The following COL24A1 variants were observed in gnomAD, a reference collection of about 807,000 sequenced individuals.
COL24A1 encodes the protein collagen type XXIV alpha 1 chain.
Under a neutral mutation model 253.9 loss-of-function variants are expected in COL24A1, and 224 were observed. The observed-to-expected ratio is 0.88, with a 90% CI of 0.79 to 0.99. The LOEUF is 0.99. Ranked by LOEUF, COL24A1 falls within the 50% of genes least tolerant of loss-of-function variation. The pLI, the probability that COL24A1 is intolerant of heterozygous loss-of-function variation, is 0.00. For synonymous variants in COL24A1, 685 were observed against 673.7 expected (o/e 1.02, Z -0.26); for missense variants, 2,131 against 2,068.5 (o/e 1.03, Z -0.59).
At chr1:85,896,658 T>C (rs1231736591) in intron 28 of COL24A1, among the ~76,000 whole-genome samples, 3 of 152,080 alleles carry the variant, frequency 2.0e-5, no homozygotes, top group Non-Finnish European at 2.9e-5. Flanking sequence ...CCACCACGCC[T>C]GGCTAATTTT....
intron 42 of COL24A1, among the ~76,000 whole-genome samples, chr1:85,839,454 T>C (rs1676370627): frequency 6.6e-6 from 1 of 151,974 alleles, no homozygotes; most frequent in Non-Finnish European, 1.5e-5. Context: ...CTGGGTGTGG[T>C]AGCTCATGCC....
At chr1:85,997,015 A>G (rs6703203) in intron 19 of COL24A1, among the ~76,000 whole-genome samples, 3 of 92,826 alleles carry the variant, frequency 3.2e-5, no homozygotes, top group East Asian at 3.6e-4. Flanking sequence ...TTTCATATAT[A>G]TATGTGTGTG....
intron 1 of COL24A1, among the ~76,000 whole-genome samples, chr1:86,150,773 A>T (rs1652649968): frequency 6.6e-6 from 1 of 152,118 alleles, no homozygotes; most frequent in Non-Finnish European, 1.5e-5. Flanking sequence ...ATGATGTTAC[A>T]TTTATTATAC....
chr1:85,890,494 G>A (rs964837751), intron 31 of COL24A1, among the ~76,000 whole-genome samples: 2 of 150,848 alleles, frequency 1.3e-5, no homozygotes. Context: ...CTAATGACTA[G>A]TGATGTTGAG....
At chr1:85,821,655 G>C (rs1185561686) in intron 45 of COL24A1, among the ~76,000 whole-genome samples, 2 of 152,042 alleles carry the variant, frequency 1.3e-5, no homozygotes, top group Admixed American at 1.3e-4. Context: ...TGTGCCCTTG[G>C]GTTGTATGCC....
intron 51 of COL24A1, 26 bp from the exon 52 acceptor site, chr1:85,781,299 T>G (rs1669118562): frequency 6.5e-7 from 1 of 1,528,988 alleles, no homozygotes; most frequent in Admixed American, 1.9e-5. Flanking sequence ...AAAAACAGTC[T>G]CACTGTTAGT....
intron 5 of COL24A1, among the ~76,000 whole-genome samples, chr1:86,095,346 A>G (rs1703819820): frequency 6.6e-6 from 1 of 152,050 alleles, no homozygotes; most frequent in South Asian, 2.1e-4. Flanking sequence ...TGACACATAT[A>G]TGTCAAATTT....
At chr1:86,024,610 G>A (rs1198514055) in intron 14 of COL24A1, among the ~76,000 whole-genome samples, 1 of 152,022 alleles carries the variant, frequency 6.6e-6, no homozygotes, top group Admixed American at 6.6e-5. Flanking sequence ...AGAGGCAAAG[G>A]GTAATACTTT....
At chr1:86,039,500 T>A (rs145921356) in intron 12 of COL24A1, among the ~76,000 whole-genome samples, 333 of 152,252 alleles carry the variant, frequency 2.2e-3, no homozygotes, top group African/African-American at 7.7e-3. Flanking sequence ...ATTTACAGAA[T>A]TTTTAAAAAA....
At chr1:86,127,256 T>C (rs1391786710) in intron 2 of COL24A1, among the ~76,000 whole-genome samples, 2 of 152,148 alleles carry the variant, frequency 1.3e-5, no homozygotes, top group Middle Eastern at 3.2e-3. Context: ...ATATCTATTA[T>C]GTAATACGCA....
intron 20 of COL24A1, among the ~76,000 whole-genome samples, chr1:85,986,262 G>A (rs1292170852): frequency 6.6e-6 from 1 of 151,738 alleles, no homozygotes; most frequent in Non-Finnish European, 1.5e-5. Context: ...CACAATGGCT[G>A]CCATGAGAGG....
In COL24A1 at chr1:85,745,487, G is replaced by T; in HGVS notation, c.4457C>A (p.Ala1486Asp). 1 of 1,609,566 alleles carries T rather than the reference G, an allele frequency of 6.2e-7. No homozygotes were observed. The highest frequency in any genetic ancestry group is 2.2e-5 in the East Asian group (1 of 44,516). ...PGPRKQMDIN[A>D]AIQALIESNT... ...TGATTCAATCAAGGCTTGAATAGCA[G>T]CATTGATATCCATTTGCTTCTGTGT... is the stretch of plus-strand genomic sequence containing the variant. The change falls in exon 56 of 60, where the codon GCT becomes GAT. Residue 1486 changes from alanine to aspartate, a missense_variant. Ala to Asp is a moderately radical substitution (Grantham distance 126). Transcript: ENST00000370571.
intron 12 of COL24A1, among the ~76,000 whole-genome samples, chr1:86,034,594 A>G (rs2101547480): frequency 6.6e-6 from 1 of 152,274 alleles, no homozygotes; most frequent in Admixed American, 6.5e-5. Context: ...ACATACATGT[A>G]AAACAAAAAG....
Position 85,783,544 on chromosome 1 carries a change from A to G in COL24A1, c.4236T>C (p.Asp1412=). The G allele has an allele frequency of 6.2e-7, 1 of 1,613,434 alleles. No homozygotes were observed. The highest frequency in any genetic ancestry group is 1.1e-5 in the South Asian group (1 of 91,068). Residue 1412 remains aspartate (D), a synonymous_variant, in exon 51 of 60, where the codon GAT becomes GAC. Transcript: ENST00000370571. ...GACCTGATATCCCAACAATGCCAGCATCCCCTTCAGGACCCTAGACATACA... is the reference window on the plus strand; with the variant it reads ...GACCTGATATCCCAACAATGCCAGCGTCCCCTTCAGGACCCTAGACATACA... ...GFPGPKGPEG[D]AGIVGISGPK...
At chr1:86,031,391 T>A (rs1698556354) in intron 14 of COL24A1, among the ~76,000 whole-genome samples, 1 of 152,004 alleles carries the variant, frequency 6.6e-6, no homozygotes. Context: ...AAGAGTGAAA[T>A]TAGAATGTTC....
At position 86,116,750 on chromosome 1, in the gene COL24A1, T is replaced by C. The variant is rs75788195; in HGVS notation, c.1492-1372A>G. Among the ~76,000 whole-genome samples the C allele has an allele frequency of 8.7e-4, 133 of 152,346 alleles. No individual in the cohort carries two copies. In the East Asian group the frequency reaches 0.014, roughly 16 times the overall value. On this transcript the variant is annotated intron_variant, in intron 3 of 59. Transcript: ENST00000370571. ...TTCATTAGATATTTCAGACTGTCCA[T>C]GTTTTTCCTTTAGTTGCACTTTTTT... is the stretch of plus-strand genomic sequence containing the variant.
chr1:86,111,633 T>C (rs1053846441), intron 5 of COL24A1, among the ~76,000 whole-genome samples: 3 of 152,022 alleles, frequency 2.0e-5, no homozygotes, highest in African/African-American at 7.2e-5. Flanking sequence ...CTGGCTTGGG[T>C]CCCCTTCCAC....
Position 86,088,430 on chromosome 1 carries a change from C to T in COL24A1, c.1707+744G>A, listed in dbSNP as rs118077114. Among the ~76,000 whole-genome samples the T allele has an allele frequency of 2.4e-3, 363 of 152,150 alleles. 8 individuals are homozygous for T. The East Asian group carries it at 0.045, about 19-fold the overall frequency. The stretch of plus-strand genomic sequence containing the variant: ...CCTTAAGAAGAAATTTTTTATTTTC[C>T]TCATTCCCTGTAGAAAATCAATAAC... On this transcript the variant is annotated intron_variant, in intron 7 of 59. Coordinates refer to ENST00000370571, the MANE Select transcript of COL24A1 (RefSeq NM_152890.7).
rs773426204 is a variant in COL24A1 at position 85,737,472 on chromosome 1, G to A, written c.4706C>T (p.Pro1569Leu). 3 of 1,612,568 alleles carry A rather than the reference G, an allele frequency of 1.9e-6. No individual in the cohort carries two copies. The highest frequency in any genetic ancestry group is 2.5e-6 in the Non-Finnish European group (3 of 1,179,100). Residue 1569 changes from proline to leucine, a missense_variant, in exon 58 of 60, where the codon CCT (proline) becomes CTT (leucine). Pro to Leu is a moderately conservative substitution (Grantham distance 98). Transcript: ENST00000370571. ...GCAGAAAACCTCAATGGCATCTGAAGGACAGCCAAGATTTGGGTCAATCCA... is the reference window on the plus strand; with the variant it reads ...GCAGAAAACCTCAATGGCATCTGAAAGACAGCCAAGATTTGGGTCAATCCA... ...KYWIDPNLGC[P>L]SDAIEVFCNF...
Sources: gnomAD v4.1 joint callset for allele counts (sites outside exome capture counted in the v4.1 genomes callset) on GRCh38, gnomAD v4.1.1 for gene constraint, MANE v1.5 for transcripts, NCBI Gene and HGNC (gene_info 2026-07-23, HGNC 2026-07-21) for gene names.